The following EVC2 variants were observed in gnomAD, a reference collection of about 807,000 sequenced individuals.
EVC2 encodes limbin.
EVC2 carries 148 observed loss-of-function variants against 149.3 expected under a neutral mutation model. The observed-to-expected ratio is 0.99, with a 90% CI of 0.87 to 1.14. EVC2 has a LOEUF of 1.14. Among genes scored for constraint, EVC2 ranks in the 50% most tolerant of loss-of-function variants. The probability of loss-of-function intolerance (pLI) is 0.00; values close to 1 mark genes in which losing one functional copy is unlikely to be tolerated. For missense variants in EVC2, 1,854 were observed against 1,627.3 expected, an observed-to-expected ratio of 1.14 and a Z score of -2.40; for synonymous variants, 776 against 649.9, an observed-to-expected ratio of 1.19 and a Z score of -2.95.
intron 16 of EVC2, among the ~76,000 whole-genome samples, chr4:5,594,381 G>A (rs1026596936): frequency 3.3e-5 from 5 of 152,294 alleles, no homozygotes; most frequent in South Asian, 2.1e-4. Flanking sequence ...AAAACTTCCA[G>A]AGGAACGATC....
At position 5,692,894 on chromosome 4, in the gene EVC2, A is replaced by AAAG. The variant is rs1362997219; in HGVS notation, c.450+1440_450+1441insCTT. On this transcript the variant is annotated intron_variant, in intron 3 of 21. Transcript: ENST00000344408. ...GTCTCAAAAAAAAAAAAAAAAAGAA[A>AAAG]AAAGAAAATTAACAAAAATGCCATT... Among the ~76,000 whole-genome samples the AAAG allele has an allele frequency of 2.5e-4, 36 of 144,228 alleles. 1 individual carries two copies. Among genetic ancestry groups the AAAG allele is most frequent in the Non-Finnish European group, 3.2e-4 (21 of 66,488 alleles). 94.6% of individuals were successfully genotyped at this position (144,228 alleles called of 152,430 possible).
intron 9 of EVC2, among the ~76,000 whole-genome samples, chr4:5,645,603 A>T (rs1042671929): frequency 1.8e-4 from 28 of 152,180 alleles, no homozygotes; most frequent in African/African-American, 6.5e-4. Flanking sequence ...ACTCTTTTTT[A>T]ACGGCTGCAT....
At chr4:5,552,032 G>T (rs1404951172) in intron 21 of EVC2, among the ~76,000 whole-genome samples, 1 of 152,138 alleles carries the variant, frequency 6.6e-6, no homozygotes, top group Non-Finnish European at 1.5e-5. Flanking sequence ...TTTATCAGCG[G>T]CGTGAAAATA....
intron 16 of EVC2, among the ~76,000 whole-genome samples, chr4:5,599,894 G>A (rs1713834571): frequency 6.6e-6 from 1 of 152,056 alleles, no homozygotes; most frequent in Non-Finnish European, 1.5e-5. Flanking sequence ...ATTCACTGAT[G>A]GTCCATTGGG....
intron 16 of EVC2, among the ~76,000 whole-genome samples, chr4:5,604,162 A>G (rs1714209714): frequency 6.6e-6 from 1 of 152,216 alleles, no homozygotes. Flanking sequence ...ATTGTTTAAA[A>G]TATCAAGGGG....
intron 10 of EVC2, among the ~76,000 whole-genome samples, chr4:5,635,249 C>G (rs1716819706): frequency 6.6e-6 from 1 of 151,938 alleles, no homozygotes; most frequent in Non-Finnish European, 1.5e-5. Flanking sequence ...GTTGGCCAGG[C>G]TGGTCTCAAA....
the EVC2 span, among the ~76,000 whole-genome samples, chr4:5,533,140 T>C: frequency 4.6e-4 from 69 of 151,526 alleles, no homozygotes; most frequent in Non-Finnish European, 9.3e-4. Flanking sequence ...AATGACAGTA[T>C]GTGACAAGCT....
the EVC2 span, among the ~76,000 whole-genome samples, chr4:5,533,582 A>G: frequency 6.6e-6 from 1 of 152,218 alleles, no homozygotes; most frequent in South Asian, 2.1e-4. Flanking sequence ...AGAGATTAAG[A>G]TGCTTGTCTC....
chr4:5,622,559 G>T lies in EVC2; in HGVS notation c.2479C>A (p.Arg827Ser). 3 of 1,613,914 alleles carry T rather than the reference G, an allele frequency of 1.9e-6. No individual in the cohort carries two copies. Among genetic ancestry groups the T allele is most frequent in the Non-Finnish European group, 2.5e-6 (3 of 1,179,964 alleles). ...CACATGAAGATCAGGTGCTCCCAGC[G>T]TCGCAGCTCTGCCTGCTCCTCTGTC... ...AVTEEQAELR[R>S]WEHLIFMKLC... Residue 827 changes from arginine to serine, a missense_variant, in exon 14 of 22, where the codon CGC becomes AGC. By Grantham distance (110) the Arg-to-Ser change is moderately radical. Coordinates refer to ENST00000344408, the MANE Select transcript of EVC2 (RefSeq NM_147127.5). The surrounding 1 kb of genome is among the most constrained non-coding windows in gnomAD (Gnocchi z 5.8).
intron 21 of EVC2, among the ~76,000 whole-genome samples, chr4:5,551,956 A>G (rs1721747270): frequency 6.6e-6 from 1 of 152,184 alleles, no homozygotes; most frequent in Non-Finnish European, 1.5e-5. Flanking sequence ...AGGCCTCCCC[A>G]GTCATGTGGA....
intron 16 of EVC2, among the ~76,000 whole-genome samples, chr4:5,594,342 C>T (rs938116835): frequency 6.6e-6 from 1 of 152,156 alleles, no homozygotes; most frequent in Non-Finnish European, 1.5e-5. Context: ...CAGACTGACA[C>T]CTCACACGGC....
intron 1 of EVC2, among the ~76,000 whole-genome samples, chr4:5,704,869 C>CTA (rs145021587): frequency 4.0e-4 from 60 of 149,882 alleles, no homozygotes; most frequent in Middle Eastern, 6.9e-3. Flanking sequence ...TCACACACAG[C>CTA]TATATATATA....
rs1438143796 is a variant in EVC2 at position 5,569,818 on chromosome 4, G to A, written c.3361-1178C>T. On this transcript the variant is annotated intron_variant, in intron 19 of 21. Transcript: ENST00000344408. The surrounding 1 kb of genome is among the most constrained non-coding windows in gnomAD (Gnocchi z 4.8). ...GACCTTGGTAAGTGCTTTCAGTGAA[G>A]GCACGAGGAAAGGTGCTGTTCCAAA... Among the ~76,000 whole-genome samples the A allele has an allele frequency of 6.6e-6, 1 of 151,942 alleles. No individual in the cohort carries two copies. The highest frequency in any genetic ancestry group is 1.5e-5 in the Non-Finnish European group (1 of 67,996).
Position 5,593,504 on chromosome 4 carries a change from G to C in EVC2, c.2830-8654C>G, listed in dbSNP as rs1354164843. ...TGCTGGTAACATTATCAAGAAACTTGCACCCAAACATTGGGAGAATAAGGC... is the reference window on the plus strand; with the variant it reads ...TGCTGGTAACATTATCAAGAAACTTCCACCCAAACATTGGGAGAATAAGGC... On this transcript the variant is annotated intron_variant, in intron 16 of 21. Coordinates refer to ENST00000344408, the MANE Select transcript of EVC2 (RefSeq NM_147127.5). Among the ~76,000 whole-genome samples, 3 of 152,196 alleles carry C rather than the reference G, an allele frequency of 2.0e-5. No homozygotes were observed. The East Asian group carries it at 5.8e-4, about 29-fold the overall frequency.
intron 21 of EVC2, among the ~76,000 whole-genome samples, chr4:5,543,499 A>G (rs2108755879): frequency 6.6e-6 from 1 of 152,336 alleles, no homozygotes; most frequent in African/African-American, 2.4e-5. Context: ...AGAGGTTCTT[A>G]GTATACAGAG....
chr4:5,568,233 T>A lies in EVC2; in HGVS notation c.3557+211A>T, dbSNP rs76921800. ...TTTCTCTTCTTCCTCTTTTTATGCATTTTTTTTTTTACGTTTTCTTTAATG... is the reference window on the plus strand; with the variant it reads ...TTTCTCTTCTTCCTCTTTTTATGCAATTTTTTTTTTACGTTTTCTTTAATG... On this transcript the variant is annotated intron_variant, in intron 20 of 21. Coordinates refer to ENST00000344408, the MANE Select transcript of EVC2 (RefSeq NM_147127.5). Among the ~76,000 whole-genome samples, 542 of 70,310 alleles carry A rather than the reference T, an allele frequency of 7.7e-3. 7 individuals are homozygous for A. Among genetic ancestry groups the A allele is most frequent in the Non-Finnish European group, 7.3e-3 (234 of 32,110 alleles). 46.1% of individuals were successfully genotyped at this position (70,310 alleles called of 152,430 possible).
intron 13 of EVC2, among the ~76,000 whole-genome samples, chr4:5,624,585 T>C (rs1462521018): frequency 6.6e-6 from 1 of 152,234 alleles, no homozygotes; most frequent in Non-Finnish European, 1.5e-5. Flanking sequence ...AGAAATAATA[T>C]TCACAGAAGA....
chr4:5,691,413 A>C, intron 3 of EVC2, 80 bp from the exon 4 acceptor site: 2 of 1,191,480 alleles, frequency 1.7e-6, no homozygotes, highest in African/African-American at 1.5e-5. Context: ...AAGATAATGA[A>C]ATTTTTACAG....
chr4:5,629,422 C>A (rs1476502874), intron 11 of EVC2, among the ~76,000 whole-genome samples: 1 of 152,152 alleles, frequency 6.6e-6, no homozygotes, highest in African/African-American at 2.4e-5. Flanking sequence ...AATTCCAGGA[C>A]CTGTGCTCTA....
Sources: allele counts gnomAD v4.1 joint callset (sites outside exome capture counted in the v4.1 genomes callset), GRCh38; gene constraint gnomAD v4.1.1; non-coding constraint Gnocchi (gnomAD v3.1); transcripts MANE v1.5; gene names NCBI Gene and HGNC (gene_info 2026-07-23, HGNC 2026-07-21).